Variants in KCNH1 observed in about 807,000 individuals in gnomAD.
KCNH1 encodes the protein potassium voltage-gated channel subfamily H member 1.
KCNH1 carries 27 observed loss-of-function variants against 69.2 expected under a neutral mutation model. The ratio of observed to expected loss-of-function variants is 0.39; its 90% CI spans 0.29 to 0.54. KCNH1 has a LOEUF of 0.54. Ranked by LOEUF, KCNH1 falls within the 20% of genes least tolerant of loss-of-function variation. The pLI, the probability that KCNH1 is intolerant of heterozygous loss-of-function variation, is 0.68. For missense variants in KCNH1, 798 were observed against 1,261.6 expected, an observed-to-expected ratio of 0.63 and a Z score of 5.57; for synonymous variants, 456 against 487.7, an observed-to-expected ratio of 0.93 and a Z score of 0.86.
chr1:210,999,185 G>C (rs1455082330), intron 6 of KCNH1, among the ~76,000 whole-genome samples: 1 of 152,126 alleles, frequency 6.6e-6, no homozygotes, highest in Non-Finnish European at 1.5e-5. Flanking sequence ...GAAGGAAATA[G>C]AGACACAAAA....
chr1:210,854,514 T>A (rs1415963122), intron 7 of KCNH1, among the ~76,000 whole-genome samples: 1 of 152,188 alleles, frequency 6.6e-6, no homozygotes, highest in African/African-American at 2.4e-5. Flanking sequence ...TTTGGGAGCA[T>A]CTCTGAAGAG....
At chr1:211,011,486 T>C (rs1027909458) in intron 6 of KCNH1, among the ~76,000 whole-genome samples, 4 of 152,238 alleles carry the variant, frequency 2.6e-5, no homozygotes, top group Admixed American at 2.6e-4. Flanking sequence ...CCTTTGGGTA[T>C]ATACCCAGTA....
intron 7 of KCNH1, chr1:210,859,389 T>A: frequency 1.9e-6 from 3 of 1,580,964 alleles, no homozygotes; most frequent in Non-Finnish European, 2.6e-6. Flanking sequence ...TTCGAATGGT[T>A]TGAAAGATAG....
At chr1:210,793,434 T>C (rs1480376278) in intron 9 of KCNH1, among the ~76,000 whole-genome samples, 1 of 152,246 alleles carries the variant, frequency 6.6e-6, no homozygotes, top group African/African-American at 2.4e-5. Context: ...CACTTGTATA[T>C]GTATTCATTT....
chr1:210,959,486 T>G (rs1269619139), intron 6 of KCNH1, among the ~76,000 whole-genome samples: 1 of 152,250 alleles, frequency 6.6e-6, no homozygotes, highest in East Asian at 1.9e-4. Flanking sequence ...CTGCAGAAGT[T>G]GTCTACTGCC....
At chr1:211,004,181 G>A (rs1364107914) in intron 6 of KCNH1, among the ~76,000 whole-genome samples, 1 of 152,032 alleles carries the variant, frequency 6.6e-6, no homozygotes, top group Non-Finnish European at 1.5e-5. Context: ...ACAAAATAAA[G>A]GTATTTTTCA....
rs1457573533 is a variant in KCNH1 at position 210,679,516 on chromosome 1, C to T, written c.*3765G>A. 2 of 152,268 alleles carry T rather than the reference C, an allele frequency of 1.3e-5. No homozygotes were observed. Among genetic ancestry groups the T allele is most frequent in the African/African-American group, 2.4e-5 (1 of 41,452 alleles). The allele number at this position is 152,268 out of a possible 1,614,324, so 9.4% of individuals were successfully genotyped here. On this transcript the variant is annotated 3_prime_UTR_variant, in exon 11 of 11. Transcript: ENST00000271751. ...CAGTGCAACAAGGGGAAATGAGAAT[C>T]TTCCTATACCTAGTCTTCCTATACC...
intron 7 of KCNH1, among the ~76,000 whole-genome samples, chr1:210,911,898 C>A (rs905521568): frequency 6.6e-6 from 1 of 152,056 alleles, no homozygotes; most frequent in Non-Finnish European, 1.5e-5. Flanking sequence ...TCTCCACTGC[C>A]CTCTTTCCCT....
intron 10 of KCNH1, among the ~76,000 whole-genome samples, chr1:210,726,129 A>T (rs1042658423): frequency 6.6e-6 from 1 of 152,156 alleles, no homozygotes; most frequent in Non-Finnish European, 1.5e-5. Context: ...ATTTTCATCC[A>T]TTTCAATGCA....
At position 211,107,566 on chromosome 1, in the gene KCNH1, T is replaced by C. The variant is rs185751768; in HGVS notation, c.80-189A>G. On this transcript the variant is annotated intron_variant, in intron 1 of 10. Transcript: ENST00000271751. ...TTGTTTTAGAAGTGAATATCTTGAATGCAAGTGCTAACTTAGGTCACTGTA... is the reference window on the plus strand; with the variant it reads ...TTGTTTTAGAAGTGAATATCTTGAACGCAAGTGCTAACTTAGGTCACTGTA... 3.9e-5 allele frequency among the ~76,000 whole-genome samples: 6 copies of C among 152,294 alleles called. No homozygotes were observed. The East Asian group carries it at 1.2e-3, about 29-fold the overall frequency.
intron 6 of KCNH1, among the ~76,000 whole-genome samples, chr1:210,924,573 A>T (rs1265079203): frequency 6.6e-6 from 1 of 152,212 alleles, no homozygotes; most frequent in African/African-American, 2.4e-5. Flanking sequence ...AGTAGATGAG[A>T]TAAATAAAAA....
At chr1:211,026,030 T>C (rs1400462020) in intron 5 of KCNH1, among the ~76,000 whole-genome samples, 5 of 152,202 alleles carry the variant, frequency 3.3e-5, no homozygotes, top group Admixed American at 6.5e-5. Flanking sequence ...TCTCTCAAAC[T>C]GTCTTTTCTC....
chr1:210,985,767 G>A (rs561283663), intron 6 of KCNH1, among the ~76,000 whole-genome samples: 7 of 152,250 alleles, frequency 4.6e-5, no homozygotes, highest in East Asian at 3.9e-4. Flanking sequence ...CTGTTGAGTC[G>A]GGGTGGAGAG....
intron 6 of KCNH1, among the ~76,000 whole-genome samples, chr1:210,970,946 A>C (rs1378378638): frequency 6.6e-6 from 1 of 152,204 alleles, no homozygotes; most frequent in Non-Finnish European, 1.5e-5. Flanking sequence ...AAAATAAAAA[A>C]CAAAAACAAA....
At chr1:210,886,003 G>A (rs1558511187) in intron 7 of KCNH1, among the ~76,000 whole-genome samples, 2 of 152,202 alleles carry the variant, frequency 1.3e-5, no homozygotes, top group African/African-American at 4.8e-5. Flanking sequence ...TGCTGGCTCA[G>A]AAGAGAGCAG....
intron 7 of KCNH1, among the ~76,000 whole-genome samples, chr1:210,893,674 G>C (rs1168573683): frequency 6.6e-6 from 1 of 152,024 alleles, no homozygotes; most frequent in Non-Finnish European, 1.5e-5. Context: ...TCACAAGCCA[G>C]AGTAGGCTCA....
At chr1:210,987,476 T>A (rs1433724090) in intron 6 of KCNH1, among the ~76,000 whole-genome samples, 1 of 152,216 alleles carries the variant, frequency 6.6e-6, no homozygotes, top group African/African-American at 2.4e-5. Context: ...GGATGTCCTT[T>A]CTGTTTGTTA....
chr1:210,719,078 G>A (rs940673368), intron 10 of KCNH1, among the ~76,000 whole-genome samples: 5 of 152,122 alleles, frequency 3.3e-5, no homozygotes, highest in Non-Finnish European at 4.4e-5. Flanking sequence ...CCATTGCTAC[G>A]TGTGGCCGTT....
intron 6 of KCNH1, among the ~76,000 whole-genome samples, chr1:210,997,358 G>A (rs546653557): frequency 4.0e-4 from 61 of 152,314 alleles, no homozygotes; most frequent in African/African-American, 1.4e-3. Flanking sequence ...AGAACTACGT[G>A]AAGAATGCAG....
Sources: allele counts gnomAD v4.1 joint callset (sites outside exome capture counted in the v4.1 genomes callset), GRCh38; gene constraint gnomAD v4.1.1; transcripts MANE v1.5; gene names NCBI Gene and HGNC (gene_info 2026-07-23, HGNC 2026-07-21).